The following ANK3 variants were observed in gnomAD, a reference collection of about 807,000 sequenced individuals.
ANK3 encodes ankyrin 3.
In ANK3, 57 loss-of-function variants were observed where a neutral mutation model predicts 370.9. The observed-to-expected ratio is 0.15, with a 90% confidence interval of 0.12 to 0.19. The LOEUF is 0.19. Ranked by LOEUF, ANK3 falls within the 10% of genes least tolerant of loss-of-function variation. The probability of loss-of-function intolerance (pLI) is 1.00; values close to 1 mark genes in which losing one functional copy is unlikely to be tolerated. For missense variants in ANK3, 4,439 were observed against 5,302.1 expected, an observed-to-expected ratio of 0.84 and a Z score of 5.06; for synonymous variants, 1,929 against 1,946.3, an observed-to-expected ratio of 0.99 and a Z score of 0.23.
At chr10:60,652,273 A>G (rs2133363377) in intron 1 of ANK3, among the ~76,000 whole-genome samples, 1 of 152,118 alleles carries the variant, frequency 6.6e-6, no homozygotes, top group African/African-American at 2.4e-5. Context: ...ATAGTGGCGC[A>G]CACCTGTAGC....
intron 2 of ANK3, among the ~76,000 whole-genome samples, chr10:60,395,231 A>G (rs2063192194): frequency 1.3e-5 from 2 of 152,214 alleles, no homozygotes; most frequent in Non-Finnish European, 2.9e-5. Flanking sequence ...AACAGGTTAC[A>G]AGATTTAGTA....
intron 7 of ANK3, among the ~76,000 whole-genome samples, chr10:60,257,740 T>C (rs1416607967): frequency 1.3e-5 from 2 of 152,200 alleles, no homozygotes; most frequent in African/African-American, 4.8e-5. Flanking sequence ...GTTCCGCCCT[T>C]CACGTCTGTA....
At chr10:60,711,079 T>A (rs1228385961) in intron 1 of ANK3, among the ~76,000 whole-genome samples, 1 of 152,228 alleles carries the variant, frequency 6.6e-6, no homozygotes, top group Non-Finnish European at 1.5e-5. Flanking sequence ...TAGTTGAGCA[T>A]CTTTTGGCCC....
At chr10:60,647,881 C>T (rs1245388773) in intron 1 of ANK3, among the ~76,000 whole-genome samples, 1 of 149,354 alleles carries the variant, frequency 6.7e-6, no homozygotes, top group Non-Finnish European at 1.5e-5. Context: ...CAGAGTCTCA[C>T]TCTGTCACCA....
chr10:60,483,631 A>G (rs1384514149), intron 2 of ANK3, among the ~76,000 whole-genome samples: 1 of 152,058 alleles, frequency 6.6e-6, no homozygotes, highest in Non-Finnish European at 1.5e-5. Context: ...TGTAATAGCA[A>G]TTTTAAAATG....
At chr10:60,264,160 C>G (rs926333686) in intron 5 of ANK3, 140 bp from the exon 6 acceptor site, 1 of 638,882 alleles carries the variant, frequency 1.6e-6, no homozygotes, top group African/African-American at 1.8e-5. Flanking sequence ...TTTGAATGGA[C>G]AGAAATGTGA....
At chr10:60,327,944 G>T (rs2050283448) in intron 1 of ANK3, among the ~76,000 whole-genome samples, 1 of 152,044 alleles carries the variant, frequency 6.6e-6, no homozygotes. Context: ...AGGTGTGTGT[G>T]TGTAAATGGA....
chr10:60,450,712 A>T (rs1288773228), intron 2 of ANK3, among the ~76,000 whole-genome samples: 1 of 152,244 alleles, frequency 6.6e-6, no homozygotes, highest in African/African-American at 2.4e-5. Flanking sequence ...TTAGGATCAC[A>T]TCATAATGAA....
intron 2 of ANK3, among the ~76,000 whole-genome samples, chr10:60,491,101 G>A (rs1216163590): frequency 6.6e-6 from 1 of 152,022 alleles, no homozygotes; most frequent in African/African-American, 2.4e-5. Flanking sequence ...GTTGTTGCAT[G>A]GTATCAGTTA....
rs116553371 is a variant in ANK3 at position 60,569,245 on chromosome 10, C to G, written c.96+45941G>C. ...CTCTACATCAAGCTTGAAATTCCAC[C>G]ATGATGACCACTTCGAGGTTAGGTG... is the stretch of plus-strand genomic sequence containing the variant. On this transcript the variant is annotated intron_variant, in intron 2 of 43. Coordinates refer to the ANK3 transcript ENST00000373827. 2.4e-3 allele frequency among the ~76,000 whole-genome samples: 371 copies of G among 152,262 alleles called. 4 individuals carry two copies. Among genetic ancestry groups the G allele is most frequent in the African/African-American group, 8.1e-3 (337 of 41,568 alleles).
chr10:60,361,807 C>T (rs1298196131), intron 1 of ANK3, among the ~76,000 whole-genome samples: 1 of 152,030 alleles, frequency 6.6e-6, no homozygotes, highest in African/African-American at 2.4e-5. Flanking sequence ...TAATTTGGGT[C>T]AAGTAAGTTG....
At chr10:60,387,040 A>T (rs1027681299) in intron 1 of ANK3, among the ~76,000 whole-genome samples, 1 of 152,056 alleles carries the variant, frequency 6.6e-6, no homozygotes, top group Non-Finnish European at 1.5e-5. Context: ...GGTGCCTGTA[A>T]TCTCAGCTAC....
chr10:60,074,274 A>C lies in ANK3; in HGVS notation c.6607T>G (p.Leu2203Val). The C allele has an allele frequency of 6.2e-7, 1 of 1,614,060 alleles. No homozygotes were observed. Among genetic ancestry groups the C allele is most frequent in the South Asian group, 1.1e-5 (1 of 91,082 alleles). Residue 2203 changes from leucine to valine, a missense_variant, in exon 37 of 44, where the codon TTG becomes GTG. Physicochemically the swap from Leu to Val is conservative, Grantham distance 32. This residue lies in a region of ANK3 where 1,601 missense variants were observed against 1,731.7 expected (regional missense o/e 0.92). Coordinates refer to ENST00000280772, the MANE Select transcript of ANK3 (RefSeq NM_020987.5). ...SPKPSPTFME[L>V]EPKPTTSSIK... Reference sequence around the variant, plus strand: ...CTAGAGGTGGTGGGCTTTGGTTCCAATTCCATAAAAGTAGGTGAAGGTTTA... The same window carrying C: ...CTAGAGGTGGTGGGCTTTGGTTCCACTTCCATAAAAGTAGGTGAAGGTTTA...
chr10:60,103,851 T>A (rs561323906), intron 28 of ANK3, among the ~76,000 whole-genome samples: 1 of 152,162 alleles, frequency 6.6e-6, no homozygotes, highest in Admixed American at 6.5e-5. Context: ...ACACATAGAA[T>A]CCAAGACAGA....
At chr10:60,208,678 A>C (rs1480854116) in intron 9 of ANK3, among the ~76,000 whole-genome samples, 1 of 152,178 alleles carries the variant, frequency 6.6e-6, no homozygotes, top group Non-Finnish European at 1.5e-5. Context: ...CTTAATATTT[A>C]AGACTAAAAG....
chr10:60,088,449 G>T (rs1374190671), intron 28 of ANK3, 91 bp from the exon 29 acceptor site: 3 of 1,156,786 alleles, frequency 2.6e-6, no homozygotes, highest in Admixed American at 2.1e-5. Context: ...TTTTGAGATG[G>T]AGTTTCACTC....
At position 60,069,023 on chromosome 10, in the gene ANK3, T is replaced by A. The variant is rs1392056921; in HGVS notation, c.11858A>T (p.Lys3953Met). The A allele has an allele frequency of 1.2e-6, 2 of 1,613,992 alleles. No homozygotes were observed. The highest frequency in any genetic ancestry group is 3.3e-5 in the Admixed American group (2 of 59,996). The change falls in exon 37 of 44, where the codon AAG becomes ATG. Residue 3953 changes from lysine (K) to methionine (M), a missense_variant. Coordinates refer to ENST00000280772, the MANE Select transcript of ANK3 (RefSeq NM_020987.5). ...GGTAGTGACACAGGTGGATCTTACC[T>A]TTACTGGCAACTTGGATGGAAGCTG... The part of the protein sequence containing the change: ...AKQLPSKLPV[K>M]VRSTCVTTTT...
chr10:60,185,565 T>C (rs1315088808), intron 17 of ANK3, among the ~76,000 whole-genome samples: 3 of 152,222 alleles, frequency 2.0e-5, no homozygotes, highest in Non-Finnish European at 4.4e-5. Flanking sequence ...TTACTTGTTA[T>C]TTGTCAACAT....
intron 2 of ANK3, among the ~76,000 whole-genome samples, chr10:60,615,001 C>G (rs542441954): frequency 5.9e-5 from 9 of 151,910 alleles, no homozygotes; most frequent in African/African-American, 1.9e-4. Context: ...CTCCACTAGG[C>G]GAGAGTATAA....
Sources: gnomAD v4.1 joint callset for allele counts (sites outside exome capture counted in the v4.1 genomes callset) on GRCh38, gnomAD v4.1.1 for gene constraint, gnomAD v4.1.1 regional missense constraint, MANE v1.5 for transcripts, NCBI Gene and HGNC (gene_info 2026-07-23, HGNC 2026-07-21) for gene names.